ELMO1: variants seen among roughly 807,000 people sequenced by gnomAD.
The protein encoded by ELMO1 is engulfment and cell motility 1.
A neutral mutation model predicts 98.9 loss-of-function variants in ELMO1; 26 were observed. That is an observed-to-expected ratio of 0.26 (90% CI 0.19 to 0.36). The LOEUF (loss-of-function observed/expected upper bound fraction) is 0.36. ELMO1 is among the 10% of genes least tolerant of loss of function. ELMO1 has a pLI of 1.00. For synonymous variants in ELMO1, 346 were observed against 346.0 expected (o/e 1.00, Z 0.00); for missense variants, 627 against 935.2 (o/e 0.67, Z 4.30).
Position 37,067,376 on chromosome 7 carries a change from C to T in ELMO1, c.1300+29243G>A, listed in dbSNP as rs527250964. Among the ~76,000 whole-genome samples the T allele has an allele frequency of 3.9e-5, 6 of 152,294 alleles. No individual in the cohort carries two copies. The South Asian group carries it at 1.2e-3, about 32-fold the overall frequency. ...TTCAGGTCTGTTGGTCAGCAGGGTACAGCGATGAACAAAATATCTAAACGT... is the reference window on the plus strand; with the variant it reads ...TTCAGGTCTGTTGGTCAGCAGGGTATAGCGATGAACAAAATATCTAAACGT... On this transcript the variant is annotated intron_variant, in intron 15 of 21. Transcript: ENST00000310758.
chr7:36,957,164 T>C (rs959535465), intron 16 of ELMO1, among the ~76,000 whole-genome samples: 5 of 152,234 alleles, frequency 3.3e-5, no homozygotes, highest in African/African-American at 1.2e-4. Context: ...AATTCTGAAA[T>C]ACATTCAGGC....
At chr7:37,221,908 G>A (rs1314182985) in intron 10 of ELMO1, among the ~76,000 whole-genome samples, 1 of 152,112 alleles carries the variant, frequency 6.6e-6, no homozygotes, top group African/African-American at 2.4e-5. Flanking sequence ...ATATTGACAA[G>A]GCTAGTCTCA....
intron 14 of ELMO1, among the ~76,000 whole-genome samples, chr7:37,107,185 A>G (rs1299742382): frequency 2.6e-5 from 4 of 152,220 alleles, no homozygotes; most frequent in Admixed American, 1.3e-4. Context: ...GGGTCTTGCA[A>G]TCTACTTGGA....
At chr7:37,177,322 T>C (rs1790550926) in intron 13 of ELMO1, among the ~76,000 whole-genome samples, 1 of 151,994 alleles carries the variant, frequency 6.6e-6, no homozygotes, top group African/African-American at 2.4e-5. Flanking sequence ...ATACTAGCAA[T>C]TAAAAACATC....
intron 2 of ELMO1, among the ~76,000 whole-genome samples, chr7:37,322,406 A>G (rs1327991969): frequency 1.3e-5 from 2 of 152,080 alleles, no homozygotes; most frequent in Non-Finnish European, 2.9e-5. Context: ...ACCTGAGGTC[A>G]GGAGTTCGAG....
chr7:37,103,942 C>T (rs192667595), intron 14 of ELMO1, among the ~76,000 whole-genome samples: 1 of 129,740 alleles, frequency 7.7e-6, no homozygotes, highest in Admixed American at 9.4e-5. Context: ...ACCCGCGAGG[C>T]GGAGCTTGCA....
intron 15 of ELMO1, chr7:37,033,275 AG>A: frequency 2.4e-6 from 1 of 412,626 alleles, no homozygotes; most frequent in Non-Finnish European, 4.9e-6. Flanking sequence ...TCCCCCTTCC[AG>A]GGGATCCTTG....
Position 37,179,986 on chromosome 7 carries a change from T to C in ELMO1, c.1086+31400A>G, listed in dbSNP as rs560126965. Among the ~76,000 whole-genome samples the C allele has an allele frequency of 7.2e-5, 11 of 152,314 alleles. No homozygotes were observed. The East Asian group carries it at 2.1e-3, about 29-fold the overall frequency. On this transcript the variant is annotated intron_variant, in intron 13 of 21. Coordinates refer to ENST00000310758, the MANE Select transcript of ELMO1 (RefSeq NM_014800.11). Reference sequence around the variant, plus strand: ...TCTTAAGAATTTACATTGTAAATTGTCATTTTCTCACTCAGCATCTGACAA... The same window carrying C: ...TCTTAAGAATTTACATTGTAAATTGCCATTTTCTCACTCAGCATCTGACAA...
chr7:37,057,216 C>A (rs1444348537), intron 15 of ELMO1, among the ~76,000 whole-genome samples: 1 of 151,920 alleles, frequency 6.6e-6, no homozygotes, highest in Non-Finnish European at 1.5e-5. Flanking sequence ...GGGCTTTACA[C>A]CCTGACTCTG....
At chr7:37,174,638 C>T (rs540578861) in intron 13 of ELMO1, among the ~76,000 whole-genome samples, 42 of 152,226 alleles carry the variant, frequency 2.8e-4, no homozygotes, top group African/African-American at 9.2e-4. Context: ...AGGCATGCCC[C>T]ATGCCCACTA....
chr7:37,280,224 C>T (rs61223296), intron 4 of ELMO1, among the ~76,000 whole-genome samples: 10,333 of 152,210 alleles, frequency 0.068, 466 homozygotes, highest in African/African-American at 0.11. Flanking sequence ...AGGACTTAAA[C>T]GTAAGACCTG....
chr7:37,263,984 T>C (rs1169802484), intron 5 of ELMO1, among the ~76,000 whole-genome samples: 1 of 152,292 alleles, frequency 6.6e-6, no homozygotes, highest in East Asian at 1.9e-4. Context: ...AACCATCGTG[T>C]TTACCAATAG....
chr7:37,345,771 C>T (rs1461154202), intron 1 of ELMO1, among the ~76,000 whole-genome samples: 1 of 151,694 alleles, frequency 6.6e-6, no homozygotes, highest in South Asian at 2.1e-4. Context: ...AGGCAGATCA[C>T]AAGGTCAGGA....
At chr7:37,029,968 C>T (rs987275199) in intron 15 of ELMO1, among the ~76,000 whole-genome samples, 2 of 152,068 alleles carry the variant, frequency 1.3e-5, no homozygotes, top group African/African-American at 4.8e-5. Context: ...AATCAACCCC[C>T]GAAGGTTCTA....
chr7:37,374,551 A>G (rs1802250289), intron 1 of ELMO1, among the ~76,000 whole-genome samples: 1 of 152,002 alleles, frequency 6.6e-6, no homozygotes, highest in African/African-American at 2.4e-5. Context: ...GGAGATCAAG[A>G]CCATCCTGGC....
intron 14 of ELMO1, among the ~76,000 whole-genome samples, chr7:37,127,679 A>C (rs940286604): frequency 6.6e-6 from 1 of 152,230 alleles, no homozygotes; most frequent in Non-Finnish European, 1.5e-5. Flanking sequence ...GAATTACATT[A>C]TCCTGAGATC....
At chr7:37,410,942 G>A (rs1443757341) in intron 1 of ELMO1, among the ~76,000 whole-genome samples, 1 of 152,210 alleles carries the variant, frequency 6.6e-6, no homozygotes, top group African/African-American at 2.4e-5. Flanking sequence ...GAAGGCATCA[G>A]GATAGAGGAG....
At chr7:37,324,015 G>T (rs780990837) in intron 2 of ELMO1, among the ~76,000 whole-genome samples, 50 of 152,110 alleles carry the variant, frequency 3.3e-4, no homozygotes, top group Admixed American at 1.3e-3. Context: ...GCCACCAGGG[G>T]AGTCCTTGGC....
chr7:37,082,120 G>T (rs1797894958), intron 15 of ELMO1, among the ~76,000 whole-genome samples: 2 of 152,176 alleles, frequency 1.3e-5, no homozygotes, highest in African/African-American at 4.8e-5. Flanking sequence ...TCCTCCATGT[G>T]TCAGGTTTAT....
Sources: allele counts gnomAD v4.1 joint callset (sites outside exome capture counted in the v4.1 genomes callset), GRCh38; gene constraint gnomAD v4.1.1; transcripts MANE v1.5; gene names NCBI Gene and HGNC (gene_info 2026-07-23, HGNC 2026-07-21).